Variants in CHST8 observed in about 807,000 individuals in gnomAD.
CHST8 encodes carbohydrate sulfotransferase 8, also known as GALNAC-4-ST1.
CHST8 carries 10 observed loss-of-function variants against 15.0 expected under a neutral mutation model. The observed-to-expected ratio is 0.67, with a 90% CI of 0.41 to 1.13. The LOEUF is 1.13. Among genes scored for constraint, CHST8 ranks in the 50% most tolerant of loss-of-function variants. CHST8 has a pLI of 0.00. For missense variants in CHST8, 634 were observed against 608.2 expected (o/e 1.04, Z -0.45); for synonymous variants, 259 against 256.6 (o/e 1.01, Z -0.09).
chr19:33,720,764 G>A (rs1288954212), intron 3 of CHST8, among the ~76,000 whole-genome samples: 1 of 152,212 alleles, frequency 6.6e-6, no homozygotes, highest in Non-Finnish European at 1.5e-5. Context: ...TCCAGGGCAG[G>A]CCCCCACTCC....
rs537738743 is a variant in CHST8, at chr19:33,736,435, C to T, written c.131-34978C>T. ...GCACCAGGCTGTTTTGTCAGCCTAG[C>T]ACTGCCTTCCCCGGGGAATAGTGAA... On this transcript the variant is annotated intron_variant, in intron 3 of 4. Transcript: ENST00000650847. 6.0e-4 allele frequency among the ~76,000 whole-genome samples: 92 copies of T among 152,312 alleles called. 1 individual carries two copies. Among genetic ancestry groups the T allele is most frequent in the Non-Finnish European group, 1.1e-3 (77 of 68,020 alleles).
rs150771392 is a variant in CHST8 at position 33,692,665 on chromosome 19, G to A, written c.130+3274G>A. Among the ~76,000 whole-genome samples the A allele has an allele frequency of 1.2e-4, 19 of 152,238 alleles. 1 individual carries two copies. In the South Asian group the frequency reaches 2.1e-3, roughly 17 times the overall value. On this transcript the variant is annotated intron_variant, in intron 3 of 4. Coordinates refer to ENST00000650847, the MANE Select transcript of CHST8 (RefSeq NM_001127895.2). The stretch of plus-strand genomic sequence containing the variant: ...TGCAGTGAGCTGATTGTGCCACTGC[G>A]CTCCAGCCTGGGTGACAGGGCCGGA...
intron 3 of CHST8, among the ~76,000 whole-genome samples, chr19:33,729,988 G>A (rs1973966272): frequency 6.6e-6 from 1 of 152,202 alleles, no homozygotes; most frequent in Non-Finnish European, 1.5e-5. Flanking sequence ...ATGATTTTAA[G>A]GTTGGAGATC....
At chr19:33,757,116 G>T (rs906057322) in intron 3 of CHST8, among the ~76,000 whole-genome samples, 2 of 152,098 alleles carry the variant, frequency 1.3e-5, no homozygotes, top group Non-Finnish European at 2.9e-5. Context: ...CAGGATGGGC[G>T]CAGTGGCTCA....
At chr19:33,757,973 G>A (rs1170199867) in intron 3 of CHST8, among the ~76,000 whole-genome samples, 7 of 152,192 alleles carry the variant, frequency 4.6e-5, no homozygotes, top group Non-Finnish European at 7.3e-5. Flanking sequence ...GCCCTGCCCT[G>A]GGAGATTCAC....
intron 3 of CHST8, among the ~76,000 whole-genome samples, chr19:33,730,118 A>G (rs1973968393): frequency 6.6e-6 from 1 of 152,128 alleles, no homozygotes; most frequent in Non-Finnish European, 1.5e-5. Flanking sequence ...GTGCCATGTG[A>G]CTTTCTGCTA....
chr19:33,645,101 C>A (rs1972334191), intron 1 of CHST8, among the ~76,000 whole-genome samples: 1 of 152,092 alleles, frequency 6.6e-6, no homozygotes, highest in Non-Finnish European at 1.5e-5. Flanking sequence ...ACCATCTGAC[C>A]CCAAATGTCC....
intron 3 of CHST8, among the ~76,000 whole-genome samples, chr19:33,759,800 G>A (rs1461091352): frequency 1.3e-5 from 2 of 152,196 alleles, no homozygotes; most frequent in Non-Finnish European, 2.9e-5. Flanking sequence ...CCAGTCCCAG[G>A]TCCTGCTGAT....
In CHST8 at chr19:33,771,534, A is replaced by G; in HGVS notation, c.168+84A>G. On this transcript the variant is annotated intron_variant, in intron 4 of 4. Coordinates refer to ENST00000650847, the MANE Select transcript of CHST8 (RefSeq NM_001127895.2). ...GCTGGGAAGAAAATTAGGAGCTCAC[A>G]TTGGATCCATTCTTGGAAAGAAAAA... is the stretch of plus-strand genomic sequence containing the variant. 4 of 1,314,776 alleles carry G rather than the reference A, an allele frequency of 3.0e-6. No individual in the cohort carries two copies. The South Asian group carries it at 4.7e-5, about 16-fold the overall frequency. The allele number at this position is 1,314,776 out of a possible 1,614,324, so 81.4% of individuals were successfully genotyped here.
intron 3 of CHST8, among the ~76,000 whole-genome samples, chr19:33,689,657 T>C (rs1026642582): frequency 1.3e-5 from 2 of 152,228 alleles, no homozygotes; most frequent in Admixed American, 6.5e-5. Context: ...ATTGAGCCAG[T>C]TGTTGCCCTT....
At chr19:33,692,911 C>G (rs900429365) in intron 3 of CHST8, among the ~76,000 whole-genome samples, 2 of 152,172 alleles carry the variant, frequency 1.3e-5, no homozygotes, top group African/African-American at 4.8e-5. Context: ...CTGGCCCCAT[C>G]CATAGCACCA....
intron 3 of CHST8, among the ~76,000 whole-genome samples, chr19:33,711,022 G>A (rs140318258): frequency 1.3e-3 from 203 of 151,998 alleles, no homozygotes; most frequent in African/African-American, 4.9e-3. Flanking sequence ...AAGCATATAT[G>A]ACCATGTCCA....
intron 3 of CHST8, among the ~76,000 whole-genome samples, chr19:33,693,944 T>G (rs1973147695): frequency 6.6e-6 from 1 of 151,242 alleles, no homozygotes; most frequent in African/African-American, 2.4e-5. Context: ...TTCATTCTTT[T>G]AAGTGGAATG....
At chr19:33,690,614 A>T (rs982576384) in intron 3 of CHST8, among the ~76,000 whole-genome samples, 11 of 152,072 alleles carry the variant, frequency 7.2e-5, no homozygotes, top group African/African-American at 2.7e-4. Context: ...CCTCCAGGAG[A>T]TGGTGGGCGA....
At chr19:33,632,954 C>T (rs1416349473) in intron 1 of CHST8, among the ~76,000 whole-genome samples, 1 of 151,692 alleles carries the variant, frequency 6.6e-6, no homozygotes, top group African/African-American at 2.4e-5. Flanking sequence ...CCTCAGCCTC[C>T]CTAGTAGCTG....
At chr19:33,719,006 C>T (rs534594569) in intron 3 of CHST8, among the ~76,000 whole-genome samples, 2 of 152,164 alleles carry the variant, frequency 1.3e-5, no homozygotes, top group African/African-American at 4.8e-5. Flanking sequence ...TCTCTTCACT[C>T]CAGGGCTTCC....
intron 3 of CHST8, among the ~76,000 whole-genome samples, chr19:33,697,964 G>C (rs1402284221): frequency 6.6e-6 from 1 of 152,164 alleles, no homozygotes; most frequent in Admixed American, 6.5e-5. Flanking sequence ...GGACCCCGGA[G>C]TAGGGAGTGG....
chr19:33,632,080 G>A (rs532420885), intron 1 of CHST8, among the ~76,000 whole-genome samples: 2 of 152,180 alleles, frequency 1.3e-5, no homozygotes, highest in Non-Finnish European at 2.9e-5. Context: ...GGGGCAGGCA[G>A]CCCCACTGGC....
At chr19:33,722,254 G>A (rs1174498333) in intron 3 of CHST8, among the ~76,000 whole-genome samples, 1 of 150,884 alleles carries the variant, frequency 6.6e-6, no homozygotes, top group Non-Finnish European at 1.5e-5. Context: ...AGGTGGGAGG[G>A]AGGGAGTGAT....
Sources: gnomAD v4.1 joint callset for allele counts (sites outside exome capture counted in the v4.1 genomes callset) on GRCh38, gnomAD v4.1.1 for gene constraint, MANE v1.5 for transcripts, NCBI Gene and HGNC (gene_info 2026-07-23, HGNC 2026-07-21) for gene names.